LTBP2: variants seen among roughly 807,000 people sequenced by gnomAD.
LTBP2 encodes the protein latent-transforming growth factor beta-binding protein 2.
Under a neutral mutation model 210.6 loss-of-function variants are expected in LTBP2, and 103 were observed. That is an observed-to-expected ratio of 0.49 (90% CI 0.42 to 0.58). The LOEUF is 0.58. Among genes scored for constraint, LTBP2 ranks in the 20% least tolerant of loss-of-function variants. The pLI, the probability that LTBP2 is intolerant of heterozygous loss-of-function variation, is 0.00. For missense variants in LTBP2, 2,313 were observed against 2,494.5 expected (o/e 0.93, Z 1.55); for synonymous variants, 1,007 against 1,015.0 (o/e 0.99, Z 0.15).
At chr14:74,583,494 T>A (rs917006311) in intron 3 of LTBP2, among the ~76,000 whole-genome samples, 4 of 152,360 alleles carry the variant, frequency 2.6e-5, no homozygotes, top group Middle Eastern at 3.4e-3. Context: ...GAGACTAGGC[T>A]GGCCTGGAGG....
chr14:74,527,243 C>T, intron 13 of LTBP2, 104 bp downstream of exon 13: 1 of 1,370,632 alleles, frequency 7.3e-7, no homozygotes, highest in Non-Finnish European at 1.0e-6. Flanking sequence ...CTCCATCTTT[C>T]TCCCTCTCCC....
chr14:74,515,464 C>T (rs2087123773), intron 18 of LTBP2, among the ~76,000 whole-genome samples: 1 of 152,082 alleles, frequency 6.6e-6, no homozygotes, highest in Admixed American at 6.6e-5. Context: ...ACCACGTTGG[C>T]CAGGCTAGTC....
At chr14:74,581,514 T>G (rs1432523093) in intron 3 of LTBP2, among the ~76,000 whole-genome samples, 2 of 152,060 alleles carry the variant, frequency 1.3e-5, no homozygotes, top group East Asian at 3.9e-4. Flanking sequence ...GCTGCTGGCC[T>G]TGAAGATGGA....
At chr14:74,552,138 A>G (rs2087666160) in intron 6 of LTBP2, 49 bp downstream of exon 6, 4 of 1,529,944 alleles carry the variant, frequency 2.6e-6, no homozygotes, top group Non-Finnish European at 3.5e-6. Flanking sequence ...CCTCCACCCA[A>G]CTGGCACTCC....
intron 8 of LTBP2, among the ~76,000 whole-genome samples, chr14:74,541,987 G>C (rs2087514349): frequency 6.6e-6 from 1 of 152,158 alleles, no homozygotes; most frequent in Non-Finnish European, 1.5e-5. Context: ...TGGGGAGAGA[G>C]AGTGGCTAAG....
chr14:74,569,454 C>T (rs1460991635), intron 3 of LTBP2, among the ~76,000 whole-genome samples: 2 of 152,134 alleles, frequency 1.3e-5, no homozygotes, highest in Non-Finnish European at 2.9e-5. Context: ...GAATGTTGAA[C>T]TGAAGGACTA....
chr14:74,577,964 A>G (rs1170730274), intron 3 of LTBP2, among the ~76,000 whole-genome samples: 1 of 152,024 alleles, frequency 6.6e-6, no homozygotes, highest in Admixed American at 6.6e-5. Flanking sequence ...CTTGGGTCCA[A>G]GGGACTTGAA....
At position 74,583,023 on chromosome 14, in the gene LTBP2, C is replaced by T. The variant is rs1347240547; in HGVS notation, c.830+2831G>A. ...GCCAGGACATGAGGCTCAAGGGAGT[C>T]TCCAGGCCCCTCCAGTCAGCCCAGA... On this transcript the variant is annotated intron_variant, in intron 3 of 35. Coordinates refer to ENST00000261978, the MANE Select transcript of LTBP2 (RefSeq NM_000428.3). Among the ~76,000 whole-genome samples the T allele has an allele frequency of 4.6e-5, 7 of 152,226 alleles. No homozygotes were observed. In the South Asian group the frequency reaches 6.2e-4, roughly 13 times the overall value.
Position 74,586,006 on chromosome 14 carries a change from T to C in LTBP2, c.678A>G (p.Glu226=), listed in dbSNP as rs1217033742. The change falls in exon 3 of 36, where the codon GAA becomes GAG. Residue 226 remains glutamate, a synonymous_variant. Transcript: ENST00000261978. This position sits in a 1 kb window ranked among gnomAD's most constrained non-coding sequence, Gnocchi z 4.6. Reference sequence around the variant, plus strand: ...CCAGCCTGGAGTTCTGGGGGTCAAATTCCTCATCGGGAATGACCTCCTCGC... The same window carrying C: ...CCAGCCTGGAGTTCTGGGGGTCAAACTCCTCATCGGGAATGACCTCCTCGC... The part of the protein sequence containing the change: ...ARCEEVIPDE[E]FDPQNSRLAP... The C allele has an allele frequency of 6.2e-7, 1 of 1,609,896 alleles. No individual in the cohort carries two copies. Among genetic ancestry groups the C allele is most frequent in the Admixed American group, 1.7e-5 (1 of 59,218 alleles).
intron 1 of LTBP2, among the ~76,000 whole-genome samples, chr14:74,609,222 T>C (rs913294246): frequency 6.6e-6 from 1 of 152,154 alleles, no homozygotes; most frequent in Non-Finnish European, 1.5e-5. Flanking sequence ...AGTGGCTGAC[T>C]GGAGTGTCAG....
chr14:74,513,909 C>T (rs1310111752), intron 18 of LTBP2, among the ~76,000 whole-genome samples: 1 of 152,248 alleles, frequency 6.6e-6, no homozygotes, highest in African/African-American at 2.4e-5. Flanking sequence ...CTGCTGGCTT[C>T]CTTCCTCAGA....
At chr14:74,553,627 A>G (rs2087689019) in intron 4 of LTBP2, among the ~76,000 whole-genome samples, 1 of 152,090 alleles carries the variant, frequency 6.6e-6, no homozygotes, top group Non-Finnish European at 1.5e-5. Context: ...GGTGATGGGG[A>G]AGCTGCAGAA....
At chr14:74,593,328 T>C (rs1283312354) in intron 2 of LTBP2, among the ~76,000 whole-genome samples, 1 of 152,216 alleles carries the variant, frequency 6.6e-6, no homozygotes, top group African/African-American at 2.4e-5. Context: ...TACTGGGTAG[T>C]AGCAAGAACA....
At chr14:74,552,500 G>T in intron 5 of LTBP2, 107 bp from the exon 6 acceptor site, 1 of 1,014,170 alleles carries the variant, frequency 9.9e-7, no homozygotes, top group Non-Finnish European at 1.5e-6. Flanking sequence ...GACCCTAGAT[G>T]GCTCCTGTAG....
intron 3 of LTBP2, among the ~76,000 whole-genome samples, chr14:74,560,795 T>A (rs180903879): frequency 6.6e-6 from 1 of 152,242 alleles, no homozygotes; most frequent in Admixed American, 6.5e-5. Context: ...TTATATAGTA[T>A]GACAACTATT....
chr14:74,580,542 C>T (rs540101903), intron 3 of LTBP2, among the ~76,000 whole-genome samples: 1 of 152,202 alleles, frequency 6.6e-6, no homozygotes, highest in African/African-American at 2.4e-5. Context: ...AGGCACAGAA[C>T]CTTCTCCCTC....
intron 17 of LTBP2, among the ~76,000 whole-genome samples, chr14:74,519,757 G>A (rs570238635): frequency 2.6e-5 from 4 of 152,180 alleles, no homozygotes; most frequent in African/African-American, 4.8e-5. Flanking sequence ...AGGCTGGCAC[G>A]GTGGCAGAAA....
intron 2 of LTBP2, among the ~76,000 whole-genome samples, chr14:74,592,695 A>G (rs1195842129): frequency 6.6e-6 from 1 of 152,122 alleles, no homozygotes; most frequent in Non-Finnish European, 1.5e-5. Flanking sequence ...CAGGCCTTAT[A>G]CTTGAGAAAT....
intron 1 of LTBP2, 29 bp from the exon 2 acceptor site, chr14:74,603,734 C>A: frequency 6.3e-7 from 1 of 1,595,618 alleles, no homozygotes; most frequent in South Asian, 1.1e-5. Flanking sequence ...AGAGTCAACA[C>A]AAGGATGCTC....
Sources: allele counts gnomAD v4.1 joint callset (sites outside exome capture counted in the v4.1 genomes callset), GRCh38; gene constraint gnomAD v4.1.1; non-coding constraint Gnocchi (gnomAD v3.1); transcripts MANE v1.5; gene names NCBI Gene and HGNC (gene_info 2026-07-23, HGNC 2026-07-21).